Variants in RHOBTB1 observed in about 807,000 individuals in gnomAD.
RHOBTB1 encodes the protein Rho related BTB domain containing 1, also known as rho-related BTB domain-containing protein 1.
Under a neutral mutation model 71.6 loss-of-function variants are expected in RHOBTB1, and 40 were observed. That is an observed-to-expected ratio of 0.56 (90% CI 0.43 to 0.73). RHOBTB1 has a LOEUF of 0.73. Ranked by LOEUF, RHOBTB1 falls within the 30% of genes least tolerant of loss-of-function variation. RHOBTB1 has a pLI of 0.00. For missense variants in RHOBTB1, 797 were observed against 894.0 expected, an observed-to-expected ratio of 0.89 and a Z score of 1.38; for synonymous variants, 319 against 334.9, an observed-to-expected ratio of 0.95 and a Z score of 0.52.
At chr10:60,975,339 T>C (rs1432223926) in intron 2 of RHOBTB1, among the ~76,000 whole-genome samples, 1 of 152,044 alleles carries the variant, frequency 6.6e-6, no homozygotes, top group Non-Finnish European at 1.5e-5. Context: ...AGACTTGTGT[T>C]CCTGGCCCAG....
intron 2 of RHOBTB1, among the ~76,000 whole-genome samples, chr10:60,932,607 C>T (rs2133997944): frequency 6.6e-6 from 1 of 150,430 alleles, no homozygotes; most frequent in Admixed American, 6.6e-5. Flanking sequence ...CATCTAAGGG[C>T]TGGATCGGGA....
chr10:60,870,123 C>T lies in RHOBTB1; in HGVS notation c.*1359G>A, dbSNP rs1183739289. 3 of 152,544 alleles carry T rather than the reference C, an allele frequency of 2.0e-5. No individual in the cohort carries two copies. The highest frequency in any genetic ancestry group is 7.2e-5 in the African/African-American group (3 of 41,440). The allele number at this position is 152,544 out of a possible 1,614,324, so 9.4% of individuals were successfully genotyped here. On this transcript the variant is annotated 3_prime_UTR_variant, in exon 11 of 11. Transcript: ENST00000337910. ...CCCATGGCAGGTGTGGAGCTGTGGC[C>T]TTGAAATGCTCTCTGTGTGTGTATG...
At chr10:60,944,824 C>A (rs1397506556), upstream of RHOBTB1, among the ~76,000 whole-genome samples, 1 of 152,192 alleles carries the variant, frequency 6.6e-6, no homozygotes, top group Non-Finnish European at 1.5e-5. Context: ...CTCTGGGTTA[C>A]CTTCCTCCGC....
chr10:60,914,850 C>T (rs887463179), intron 2 of RHOBTB1, among the ~76,000 whole-genome samples: 1 of 152,088 alleles, frequency 6.6e-6, no homozygotes, highest in Non-Finnish European at 1.5e-5. Context: ...TCCTCTAATC[C>T]CTAGCAGTCC....
At chr10:60,967,078 G>A (rs1589432397) in intron 2 of RHOBTB1, among the ~76,000 whole-genome samples, 1 of 152,040 alleles carries the variant, frequency 6.6e-6, no homozygotes, top group Non-Finnish European at 1.5e-5. Flanking sequence ...CAGTATGGTT[G>A]TTTCGGACAC....
the RHOBTB1 span, among the ~76,000 whole-genome samples, chr10:60,862,542 C>T: frequency 0.014 from 2,071 of 150,146 alleles, 26 homozygotes; most frequent in East Asian, 0.025. Context: ...CTTTCTCTTT[C>T]TTTCTTTCTT....
At chr10:60,890,388 CT>C (rs2132690149) in intron 5 of RHOBTB1, among the ~76,000 whole-genome samples, 1 of 152,210 alleles carries the variant, frequency 6.6e-6, no homozygotes, top group East Asian at 1.9e-4. Context: ...TCTGTTTTAA[CT>C]TCCTCTGATG....
intron 2 of RHOBTB1, among the ~76,000 whole-genome samples, chr10:60,983,813 G>C (rs189740184): frequency 6.6e-6 from 1 of 152,284 alleles, no homozygotes; most frequent in East Asian, 1.9e-4. Context: ...ACACAGCATG[G>C]ACCCTGCAGA....
chr10:60,910,975 G>A lies in RHOBTB1; in HGVS notation c.208C>T (p.Arg70Trp), dbSNP rs1001919478. 6 of 1,613,682 alleles carry A rather than the reference G, an allele frequency of 3.7e-6. No individual in the cohort carries two copies. The highest frequency in any genetic ancestry group is 1.1e-5 in the South Asian group (1 of 91,064). ...RVCQEVLERS[R>W]DVVDEVSVSL... ...ACACTCACTTCATCAACAACATCCCGAGAACGCTCCAAGACCTGCAGGAGA... is the reference window on the plus strand; with the variant it reads ...ACACTCACTTCATCAACAACATCCCAAGAACGCTCCAAGACCTGCAGGAGA... The change falls in exon 4 of 11, where the codon CGG becomes TGG. Residue 70 changes from arginine to tryptophan, a missense_variant. By Grantham distance (101) the Arg-to-Trp change is moderately radical. Around this residue, in one of 2 missense-constraint regions of RHOBTB1, gnomAD observed 139 missense variants for 212.5 expected, o/e 0.65. Transcript: ENST00000337910.
intron 2 of RHOBTB1, among the ~76,000 whole-genome samples, chr10:60,963,819 C>G (rs1249397886): frequency 6.6e-6 from 1 of 152,060 alleles, no homozygotes; most frequent in Non-Finnish European, 1.5e-5. Context: ...TTCTTTGTTC[C>G]ACACATTACC....
intron 2 of RHOBTB1, among the ~76,000 whole-genome samples, chr10:60,969,138 G>C (rs557155664): frequency 6.6e-6 from 1 of 152,206 alleles, no homozygotes; most frequent in African/African-American, 2.4e-5. Context: ...TTGAAGTTGA[G>C]ATGGAACAAA....
chr10:60,872,789 G>A (rs139397317), intron 9 of RHOBTB1, among the ~76,000 whole-genome samples: 38 of 152,240 alleles, frequency 2.5e-4, no homozygotes, highest in Non-Finnish European at 4.4e-4. Flanking sequence ...AAGAGCAGGC[G>A]GTATGGGCAG....
intron 2 of RHOBTB1, among the ~76,000 whole-genome samples, chr10:60,928,161 G>T (rs1220777404): frequency 1.3e-5 from 2 of 152,016 alleles, no homozygotes; most frequent in Admixed American, 6.6e-5. Flanking sequence ...TATGAAAAAG[G>T]CAATAATGAT....
chr10:60,895,785 A>C (rs2082136035), intron 4 of RHOBTB1, among the ~76,000 whole-genome samples: 2 of 152,256 alleles, frequency 1.3e-5, no homozygotes, highest in South Asian at 2.1e-4. Flanking sequence ...CAAGTTAAGA[A>C]AACTTTACAT....
At chr10:60,925,093 A>T (rs1266793277) in intron 2 of RHOBTB1, among the ~76,000 whole-genome samples, 1 of 151,946 alleles carries the variant, frequency 6.6e-6, no homozygotes, top group Non-Finnish European at 1.5e-5. Context: ...TCCCTACCCC[A>T]TGCTCTCTCT....
chr10:60,939,536 G>T (rs776894957), intron 2 of RHOBTB1, among the ~76,000 whole-genome samples: 68 of 151,470 alleles, frequency 4.5e-4, no homozygotes, highest in Non-Finnish European at 2.9e-5. Context: ...TCCTACCCTT[G>T]TCTACACACA....
the RHOBTB1 span, among the ~76,000 whole-genome samples, chr10:60,863,075 T>C: frequency 6.6e-6 from 1 of 152,176 alleles, no homozygotes; most frequent in Admixed American, 6.6e-5. Flanking sequence ...TGTGCATGTG[T>C]AGGGTGATGA....
intron 2 of RHOBTB1, among the ~76,000 whole-genome samples, chr10:60,958,865 T>A (rs190271195): frequency 3.9e-5 from 6 of 152,226 alleles, no homozygotes; most frequent in Non-Finnish European, 5.9e-5. Context: ...ACTCCCAAAG[T>A]GCTGGGATTA....
chr10:60,932,149 T>C (rs542503849), intron 2 of RHOBTB1, among the ~76,000 whole-genome samples: 1 of 152,304 alleles, frequency 6.6e-6, no homozygotes, highest in South Asian at 2.1e-4. Context: ...ACATAAATAT[T>C]GATGTACACT....
Sources: gnomAD v4.1 joint callset for allele counts (sites outside exome capture counted in the v4.1 genomes callset) on GRCh38, gnomAD v4.1.1 for gene constraint, gnomAD v4.1.1 regional missense constraint, MANE v1.5 for transcripts, NCBI Gene and HGNC (gene_info 2026-07-23, HGNC 2026-07-21) for gene names.